The following PMS1 variants were observed in gnomAD, a reference collection of about 807,000 sequenced individuals.
PMS1 encodes the protein PMS1 homolog 1, mismatch repair system component, also known as PMS1 protein homolog 1.
PMS1 carries 79 observed loss-of-function variants against 93.1 expected under a neutral mutation model. The observed-to-expected ratio is 0.85, with a 90% CI of 0.71 to 1.02. PMS1 has a LOEUF of 1.02. Ranked by LOEUF, PMS1 falls within the 50% of genes least tolerant of loss-of-function variation. The pLI, the probability that PMS1 is intolerant of heterozygous loss-of-function variation, is 0.00. For missense variants in PMS1, 1,064 were observed against 1,085.3 expected (o/e 0.98, Z 0.28); for synonymous variants, 335 against 363.4 (o/e 0.92, Z 0.89).
chr2:189,859,160 T>G (rs5743154), intron 9 of PMS1, among the ~76,000 whole-genome samples: 1 of 152,200 alleles, frequency 6.6e-6, no homozygotes, highest in Non-Finnish European at 1.5e-5. Flanking sequence ...CTCGCCCCTT[T>G]GTTGTGAGAT....
At chr2:189,800,269 T>C (rs1219610896) in intron 3 of PMS1, among the ~76,000 whole-genome samples, 3 of 152,328 alleles carry the variant, frequency 2.0e-5, no homozygotes, top group South Asian at 2.1e-4. Context: ...ATATTACCTC[T>C]TTACTAGCAT....
At chr2:189,809,983 A>T (rs1331893874) in intron 4 of PMS1, among the ~76,000 whole-genome samples, 1 of 152,224 alleles carries the variant, frequency 6.6e-6, no homozygotes, top group East Asian at 1.9e-4. Context: ...ATACACATTT[A>T]TATTTTGCCC....
intron 5 of PMS1, among the ~76,000 whole-genome samples, chr2:189,829,229 G>A (rs147496414): frequency 2.8e-4 from 42 of 152,262 alleles, no homozygotes; most frequent in African/African-American, 9.4e-4. Context: ...AGAAAGTTAC[G>A]ATGTAAATGA....
At chr2:189,847,650 C>G (rs1016211833) in intron 6 of PMS1, among the ~76,000 whole-genome samples, 2 of 152,066 alleles carry the variant, frequency 1.3e-5, no homozygotes, top group Non-Finnish European at 2.9e-5. Flanking sequence ...TCTTTTTCCT[C>G]CAGTCCTCTA....
At chr2:189,855,183 T>C in intron 9 of PMS1, 55 bp downstream of exon 9, 1 of 1,434,400 alleles carries the variant, frequency 7.0e-7, no homozygotes, top group Non-Finnish European at 9.8e-7. Context: ...CCATTCTATA[T>C]GACTCACTGT....
rs768513050 is a variant in PMS1, at chr2:189,818,139, A to G, written c.541A>G (p.Ile181Val). Residue 181 changes from isoleucine to valine, a missense_variant, in exon 5 of 13, where the codon ATC becomes GTC. By Grantham distance (29) the Ile-to-Val change is conservative (BLOSUM62 3). Transcript: ENST00000441310. ...CCAAGATCTCCTCATGAGCTTTGGT[A>G]TCCTTAAACCTGACTTAAGGATTGT... ...KIQDLLMSFG[I>V]LKPDLRIVFV... 3 of 1,608,924 alleles carry G rather than the reference A, an allele frequency of 1.9e-6. No homozygotes were observed. The highest frequency in any genetic ancestry group is 2.6e-6 in the Non-Finnish European group (3 of 1,175,766).
At chr2:189,877,230 A>C in intron 12 of PMS1, 42 bp from the exon 13 acceptor site, 1 of 1,540,986 alleles carries the variant, frequency 6.5e-7, no homozygotes, top group Middle Eastern at 1.7e-4. Flanking sequence ...TTTCAGCTTC[A>C]GGGTATATCA....
intron 4 of PMS1, among the ~76,000 whole-genome samples, chr2:189,812,995 TTAAC>T (rs1292269125): frequency 4.6e-5 from 7 of 152,212 alleles, no homozygotes; most frequent in African/African-American, 1.4e-4. Flanking sequence ...ATTTACAAAA[TTAAC>T]TAGTAGGATT....
intron 5 of PMS1, among the ~76,000 whole-genome samples, chr2:189,821,904 TATTTC>T (rs1450793620): frequency 6.6e-6 from 1 of 152,244 alleles, no homozygotes; most frequent in African/African-American, 2.4e-5. Context: ...ACAGAGTTCT[TATTTC>T]AAGTCAAATA....
chr2:189,812,501 A>G lies in PMS1; in HGVS notation c.419-5516A>G, dbSNP rs1047905375. ...GGCAACCTGAATCTGCAAGAAGGAA[A>G]GAAAAGCACTAGAAAATGTGTGGAA... is the stretch of plus-strand genomic sequence containing the variant. On this transcript the variant is annotated intron_variant, in intron 4 of 12. Coordinates refer to ENST00000441310, the MANE Select transcript of PMS1 (RefSeq NM_000534.5). Among the ~76,000 whole-genome samples the G allele has an allele frequency of 2.6e-5, 4 of 152,358 alleles. No individual in the cohort carries two copies. The South Asian group carries it at 6.2e-4, about 24-fold the overall frequency.
chr2:189,854,572 A>G lies in PMS1; in HGVS notation c.1300A>G (p.Asn434Asp), dbSNP rs534500725. The change falls in exon 9 of 13, where the codon AAT (asparagine) becomes GAT (aspartate). Residue 434 changes from asparagine to aspartate, a missense_variant. Coordinates refer to ENST00000441310, the MANE Select transcript of PMS1 (RefSeq NM_000534.5). Reference protein sequence around the residue: ...EISNIDKNTKNAFQDISMSNV... With the variant: ...EISNIDKNTKDAFQDISMSNV... ...TTCTAACATTGATAAAAACACTAAG[A>G]ATGCATTTCAGGACATTTCAATGAG... The G allele has an allele frequency of 6.6e-5, 107 of 1,613,564 alleles. 1 individual carries two copies. The South Asian group carries it at 9.8e-4, about 15-fold the overall frequency.
intron 5 of PMS1, among the ~76,000 whole-genome samples, chr2:189,822,049 G>A (rs2051949069): frequency 1.3e-5 from 2 of 152,126 alleles, no homozygotes; most frequent in Admixed American, 6.5e-5. Flanking sequence ...GGGGCGGGTG[G>A]CGCCTCGGGC....
At chr2:189,810,045 T>C (rs191964815) in intron 4 of PMS1, among the ~76,000 whole-genome samples, 21 of 152,332 alleles carry the variant, frequency 1.4e-4, no homozygotes, top group Non-Finnish European at 2.5e-4. Context: ...GCCATTATAT[T>C]TGTCATCTAG....
chr2:189,873,646 G>C lies in PMS1; in HGVS notation c.2624G>C (p.Ser875Thr). 6.2e-7 allele frequency: 1 copy of C among 1,603,310 alleles called. No homozygotes were observed. The highest frequency in any genetic ancestry group is 1.7e-4 in the Middle Eastern group (1 of 5,986). ...GAATGTAGACCTCGCAAAGTGATAA[G>C]TTATTTAGAGGTACGCATTATTTTA... is the stretch of plus-strand genomic sequence containing the variant. The part of the protein sequence containing the change: ...VYECRPRKVI[S>T]YLEGEAVRLS... The change falls in exon 12 of 13, where the codon AGT becomes ACT. Residue 875 changes from serine (S) to threonine (T), a missense_variant. Coordinates refer to ENST00000441310, the MANE Select transcript of PMS1 (RefSeq NM_000534.5).
chr2:189,799,216 G>GT (rs2049651088), intron 3 of PMS1, among the ~76,000 whole-genome samples: 1 of 152,128 alleles, frequency 6.6e-6, no homozygotes, highest in Admixed American at 6.5e-5. Flanking sequence ...AAACTATAAA[G>GT]TTTTTAAAAA....
At chr2:189,822,125 C>T (rs1031588790) in intron 5 of PMS1, among the ~76,000 whole-genome samples, 14 of 152,134 alleles carry the variant, frequency 9.2e-5, no homozygotes, top group African/African-American at 3.1e-4. Context: ...GGCGTTGGCA[C>T]GGGACATGTG....
At chr2:189,802,047 C>A (rs999122733) in intron 3 of PMS1, among the ~76,000 whole-genome samples, 17 of 152,130 alleles carry the variant, frequency 1.1e-4, no homozygotes, top group Non-Finnish European at 7.4e-5. Flanking sequence ...TTTTTTCTCT[C>A]GTTTTTCCCT....
chr2:189,817,270 C>T (rs1314214656), intron 4 of PMS1, among the ~76,000 whole-genome samples: 1 of 152,214 alleles, frequency 6.6e-6, no homozygotes, highest in Non-Finnish European at 1.5e-5. Flanking sequence ...TCTGACTGTA[C>T]ATTCATAAGA....
chr2:189,873,159 T>C (rs940896176), intron 11 of PMS1, among the ~76,000 whole-genome samples: 1 of 152,254 alleles, frequency 6.6e-6, no homozygotes, highest in Non-Finnish European at 1.5e-5. Context: ...CAGCAGTTGT[T>C]AAAACACTTA....
Sources: allele counts gnomAD v4.1 joint callset (sites outside exome capture counted in the v4.1 genomes callset), GRCh38; gene constraint gnomAD v4.1.1; transcripts MANE v1.5; gene names NCBI Gene and HGNC (gene_info 2026-07-23, HGNC 2026-07-21).